The following CXXC4 variants were observed in gnomAD, a reference collection of about 807,000 sequenced individuals.
CXXC4 encodes CXXC-type zinc finger protein 4.
In CXXC4, 5 loss-of-function variants were observed where a neutral mutation model predicts 20.5. That is an observed-to-expected ratio of 0.24 (90% CI 0.13 to 0.51). The LOEUF (loss-of-function observed/expected upper bound fraction) is 0.51, where lower values mean the gene tolerates loss of function less well. Among genes scored for constraint, CXXC4 ranks in the 20% least tolerant of loss-of-function variants. The probability of loss-of-function intolerance (pLI) is 0.97; values close to 1 mark genes in which losing one functional copy is unlikely to be tolerated. For synonymous variants in CXXC4, 250 were observed against 216.4 expected, an observed-to-expected ratio of 1.16 and a Z score of -1.36; for missense variants, 419 against 496.4, an observed-to-expected ratio of 0.84 and a Z score of 1.48.
chr4:104,491,560 G>A lies in CXXC4; in HGVS notation c.243C>T (p.Ala81=), dbSNP rs1234685130. 1.3e-6 allele frequency: 2 copies of A among 1,504,760 alleles called. No individual in the cohort carries two copies. The allele number at this position is 1,504,760 out of a possible 1,614,324, so 93.2% of individuals were successfully genotyped here. ...FPSSAAAAAA[A]ARIGMSPWNC... Reference sequence around the variant, plus strand: ...TCCAGGGGGACATGCCGATGCGCGCGGCGGCCGCGGCGGCGGCGGCGCTGC... The same window carrying A: ...TCCAGGGGGACATGCCGATGCGCGCAGCGGCCGCGGCGGCGGCGGCGCTGC... The change falls in exon 2 of 3, where the codon GCC becomes GCT. Residue 81 remains alanine (A), a synonymous_variant. Coordinates refer to ENST00000394767, the MANE Select transcript of CXXC4 (RefSeq NM_025212.4).
chr4:104,494,823 G>A lies in CXXC4; in HGVS notation c.-380C>T, dbSNP rs1054393823. 2 of 151,130 alleles carry A rather than the reference G, an allele frequency of 1.3e-5. No homozygotes were observed. Among genetic ancestry groups the A allele is most frequent in the African/African-American group, 4.9e-5 (2 of 40,994 alleles). 9.4% of individuals were successfully genotyped at this position (151,130 alleles called of 1,614,324 possible). On this transcript the variant is annotated 5_prime_UTR_variant, in exon 1 of 3. Transcript: ENST00000394767. ...GTCGAGTGTGAGTGTATGTGTGAGAGCGCGGGTCTGTTGTCGGTGGTCTCT... is the reference window on the plus strand; with the variant it reads ...GTCGAGTGTGAGTGTATGTGTGAGAACGCGGGTCTGTTGTCGGTGGTCTCT...
rs1736208267 is a variant in CXXC4 at position 104,469,501 on chromosome 4, C to T, written c.*2821G>A. 6.6e-6 allele frequency: 1 copy of T among 152,014 alleles called. No individual in the cohort carries two copies. The highest frequency in any genetic ancestry group is 1.5e-5 in the Non-Finnish European group (1 of 67,972). The allele number at this position is 152,014 out of a possible 1,614,324, so 9.4% of individuals were successfully genotyped here. On this transcript the variant is annotated 3_prime_UTR_variant, in exon 3 of 3. Coordinates refer to ENST00000394767, the MANE Select transcript of CXXC4 (RefSeq NM_025212.4). ...AATTTTCTTGACAGTGAATATAAAA[C>T]ACACAGTGAGGAATATTTAAAAGTT...
At chr4:104,475,055 G>A (rs1477955200) in intron 2 of CXXC4, 2 of 152,132 alleles carry the variant, frequency 1.3e-5, no homozygotes, top group Admixed American at 6.6e-5. Flanking sequence ...ATGCAAACAC[G>A]AGAAAAGCAG....
Position 104,491,381 on chromosome 4 carries a change from G to A in CXXC4, c.422C>T (p.Ala141Val), listed in dbSNP as rs1578323901. The change falls in exon 2 of 3, where the codon GCC (alanine) becomes GTC (valine). Residue 141 changes from alanine (A) to valine (V), a missense_variant. Ala to Val is a moderately conservative substitution (Grantham distance 64). This residue lies in a region of CXXC4 where 388 missense variants were observed against 416.0 expected (regional missense o/e 0.93). Transcript: ENST00000394767. ...GGGGRKSSSA[A>V]ASSSASSSSA... ...GGAGGAGGAGGCGGAGGAGGAGGCG[G>A]CGGCGGAGGAGGATTTCCTGCCGCC... 1.5e-6 allele frequency: 2 copies of A among 1,353,858 alleles called. No homozygotes were observed. Among genetic ancestry groups the A allele is most frequent in the African/African-American group, 1.5e-5 (1 of 65,274 alleles). The allele number at this position is 1,353,858 out of a possible 1,614,324, so 83.9% of individuals were successfully genotyped here.
At chr4:104,490,382 T>C (rs555356020) in intron 2 of CXXC4, among the ~76,000 whole-genome samples, 1 of 152,338 alleles carries the variant, frequency 6.6e-6, no homozygotes, top group Non-Finnish European at 1.5e-5. Context: ...ATGTGATGTG[T>C]CCAGTCCTTT....
At position 104,491,454 on chromosome 4, in the gene CXXC4, CCCCCCCGCCGCCGCCCCCG is replaced by C; in HGVS notation, c.330_348del (p.Gly111ValfsTer98). On this transcript the variant is annotated frameshift_variant, in exon 2 of 3. Coordinates refer to ENST00000394767, the MANE Select transcript of CXXC4 (RefSeq NM_025212.4). LOFTEE classifies it high-confidence loss of function. Reference sequence around the variant, plus strand: ...CCGCCGCCGCCGCCGCCGCCGCCACCCCCCCCGCCGCCGCCCCCGCCCCCGCCGCTGCCCCAGAGCATGG... The same window carrying C: ...CCGCCGCCGCCGCCGCCGCCGCCACCCCCCCGCCGCTGCCCCAGAGCATGG... 1.1e-6 allele frequency: 1 copy of C among 923,186 alleles called. No individual in the cohort carries two copies. Among genetic ancestry groups the C allele is most frequent in the East Asian group, 5.9e-5 (1 of 17,038 alleles). 57.2% of individuals were successfully genotyped at this position (923,186 alleles called of 1,614,324 possible).
Position 104,479,371 on chromosome 4 carries a change from C to T in CXXC4, c.1060-7005G>A, listed in dbSNP as rs775473096. The stretch of plus-strand genomic sequence containing the variant: ...TTACATTTAGCCTCCATCAGCAAAT[C>T]AATATGGCATATCTCTTTTATTATT... On this transcript the variant is annotated intron_variant, in intron 2 of 2. Coordinates refer to ENST00000394767, the MANE Select transcript of CXXC4 (RefSeq NM_025212.4). 2.8e-4 allele frequency among the ~76,000 whole-genome samples: 42 copies of T among 152,082 alleles called. 1 individual carries two copies. The highest frequency in any genetic ancestry group is 2.0e-4 in the Admixed American group (3 of 15,256).
In CXXC4 at chr4:104,478,188, C is replaced by T. The variant is rs544859517; in HGVS notation, c.1060-5822G>A. On this transcript the variant is annotated intron_variant, in intron 2 of 2. Coordinates refer to ENST00000394767, the MANE Select transcript of CXXC4 (RefSeq NM_025212.4). ...TCTCCCTTGGCTGTTGCTCCTGTTGCTCTCTTTGCCTTGCACTCCTACACT... is the reference window on the plus strand; with the variant it reads ...TCTCCCTTGGCTGTTGCTCCTGTTGTTCTCTTTGCCTTGCACTCCTACACT... Among the ~76,000 whole-genome samples the T allele has an allele frequency of 3.3e-5, 5 of 152,262 alleles. No homozygotes were observed. The South Asian group carries it at 1.0e-3, about 32-fold the overall frequency.
At chr4:104,480,864 CCCTTCCTT>C (rs201051323) in intron 2 of CXXC4, among the ~76,000 whole-genome samples, 12 of 147,002 alleles carry the variant, frequency 8.2e-5, no homozygotes, top group Admixed American at 6.1e-4. Context: ...CTCCCTCCCT[CCCTTCCTT>C]CCTTCCTTCC....
At chr4:104,478,953 T>C (rs887577217) in intron 2 of CXXC4, among the ~76,000 whole-genome samples, 9 of 152,072 alleles carry the variant, frequency 5.9e-5, no homozygotes, top group Admixed American at 4.6e-4. Context: ...TGTATAAATA[T>C]ATATGGTTAT....
intron 2 of CXXC4, among the ~76,000 whole-genome samples, chr4:104,482,943 G>A (rs1011688302): frequency 4.0e-5 from 6 of 151,850 alleles, no homozygotes; most frequent in Non-Finnish European, 5.9e-5. Flanking sequence ...TTTCAGCACC[G>A]TCTTTCCCAT....
At chr4:104,493,598 A>G (rs868455618) in intron 1 of CXXC4, among the ~76,000 whole-genome samples, 1 of 152,210 alleles carries the variant, frequency 6.6e-6, no homozygotes, top group Middle Eastern at 3.2e-3. Flanking sequence ...ACCTCACCCC[A>G]GGCTGGATTA....
chr4:104,468,432 G>A lies in CXXC4; in HGVS notation c.*3890C>T. On this transcript the variant is annotated 3_prime_UTR_variant, in exon 3 of 3. Coordinates refer to ENST00000394767, the MANE Select transcript of CXXC4 (RefSeq NM_025212.4). Reference sequence around the variant, plus strand: ...TTACAGTTTTGTACATGCCCCATAAGTAATTTTCTTTAATAAATACACTGT... The same window carrying A: ...TTACAGTTTTGTACATGCCCCATAAATAATTTTCTTTAATAAATACACTGT... 1 of 142,394 alleles carries A rather than the reference G, an allele frequency of 7.0e-6. No individual in the cohort carries two copies. Among genetic ancestry groups the A allele is most frequent in the Admixed American group, 7.1e-5 (1 of 14,150 alleles). The allele number at this position is 142,394 out of a possible 1,614,324, so 8.8% of individuals were successfully genotyped here.
rs910496908 is a variant in CXXC4 at position 104,470,242 on chromosome 4, T to A, written c.*2080A>T. 3 of 150,564 alleles carry A rather than the reference T, an allele frequency of 2.0e-5. No individual in the cohort carries two copies. The highest frequency in any genetic ancestry group is 6.6e-5 in the Admixed American group (1 of 15,096). The allele number at this position is 150,564 out of a possible 1,614,324, so 9.3% of individuals were successfully genotyped here. A position where few individuals can be genotyped will look rare whatever the true frequency, so the allele number is the denominator to read the frequency against. ...TGAAATTCTAACTAGATAGAAACCC[T>A]CAAAGAAATATACATCAAGTAGAAA... On this transcript the variant is annotated 3_prime_UTR_variant, in exon 3 of 3. Transcript: ENST00000394767.
chr4:104,483,386 T>C (rs1736604672), intron 2 of CXXC4, among the ~76,000 whole-genome samples: 1 of 152,014 alleles, frequency 6.6e-6, no homozygotes, highest in East Asian at 1.9e-4. Context: ...GTTTCTCATC[T>C]TTCTTGGTCA....
chr4:104,485,596 T>G (rs368624999), intron 2 of CXXC4, among the ~76,000 whole-genome samples: 3 of 152,098 alleles, frequency 2.0e-5, no homozygotes, highest in East Asian at 3.8e-4. Flanking sequence ...AAGCACACTT[T>G]CAACCTATGC....
chr4:104,492,826 A>AT (rs1202547708), intron 1 of CXXC4, among the ~76,000 whole-genome samples: 6 of 151,766 alleles, frequency 4.0e-5, no homozygotes, highest in African/African-American at 9.7e-5. Context: ...GTTCTACTTG[A>AT]TTTTTTTTAA....
intron 2 of CXXC4, among the ~76,000 whole-genome samples, chr4:104,484,097 C>A (rs2110275773): frequency 6.6e-6 from 1 of 152,040 alleles, no homozygotes; most frequent in South Asian, 2.1e-4. Context: ...TATAAGTAAC[C>A]TATTGGTTTC....
At chr4:104,476,601 C>T (rs889367589) in intron 2 of CXXC4, among the ~76,000 whole-genome samples, 1 of 152,092 alleles carries the variant, frequency 6.6e-6, no homozygotes, top group African/African-American at 2.4e-5. Context: ...CTGAAATTCA[C>T]CTTAAATACA....
Sources: gnomAD v4.1 joint callset for allele counts (sites outside exome capture counted in the v4.1 genomes callset) on GRCh38, gnomAD v4.1.1 for gene constraint, gnomAD v4.1.1 regional missense constraint, MANE v1.5 for transcripts, NCBI Gene and HGNC (gene_info 2026-07-23, HGNC 2026-07-21) for gene names.